CDH18: variants seen among roughly 807,000 people sequenced by gnomAD.
CDH18 encodes cadherin-18.
A neutral mutation model predicts 67.9 loss-of-function variants in CDH18; 31 were observed. The observed-to-expected ratio is 0.46, with a 90% confidence interval of 0.34 to 0.62. The LOEUF (loss-of-function observed/expected upper bound fraction) is 0.62, where lower values mean the gene tolerates loss of function less well. Among genes scored for constraint, CDH18 ranks in the 20% least tolerant of loss-of-function variants. The pLI is 0.01. For missense variants in CDH18, 890 were observed against 975.5 expected, an observed-to-expected ratio of 0.91 and a Z score of 1.17; for synonymous variants, 362 against 347.2, an observed-to-expected ratio of 1.04 and a Z score of -0.48.
chr5:20,319,921 A>C (rs1737842565), intron 1 of CDH18, among the ~76,000 whole-genome samples: 1 of 152,152 alleles, frequency 6.6e-6, no homozygotes, highest in Admixed American at 6.5e-5. Flanking sequence ...CCAATAATAC[A>C]CTTTAATTAA....
chr5:20,133,966 A>G (rs1488360014), intron 2 of CDH18, among the ~76,000 whole-genome samples: 4 of 151,936 alleles, frequency 2.6e-5, no homozygotes, highest in Admixed American at 6.6e-5. Context: ...ATAATGCCCC[A>G]CATTTCTTGG....
chr5:19,786,651 T>A (rs966041308), intron 3 of CDH18, among the ~76,000 whole-genome samples: 25 of 152,294 alleles, frequency 1.6e-4, no homozygotes, highest in African/African-American at 6.0e-4. Context: ...ATAATATATA[T>A]TTGAACTCTA....
intron 11 of CDH18, among the ~76,000 whole-genome samples, chr5:19,495,751 G>GA (rs1426412820): frequency 0.015 from 1,917 of 130,346 alleles, 62 homozygotes; most frequent in African/African-American, 0.054. Flanking sequence ...AAGAAAGAAA[G>GA]AAAGAAAAGA....
At position 19,763,594 on chromosome 5, in the gene CDH18, A is replaced by G. The variant is rs1284065409; in HGVS notation, c.229-16358T>C. 3.3e-5 allele frequency among the ~76,000 whole-genome samples: 5 copies of G among 152,180 alleles called. No homozygotes were observed. The East Asian group carries it at 9.7e-4, about 29-fold the overall frequency. ...GCAGATATATAGAGAAGTCATTTGTATATGCAGCCTGAAGTTCACAAGAGG... is the reference window on the plus strand; with the variant it reads ...GCAGATATATAGAGAAGTCATTTGTGTATGCAGCCTGAAGTTCACAAGAGG... On this transcript the variant is annotated intron_variant, in intron 3 of 12. Coordinates refer to ENST00000382275, the MANE Select transcript of CDH18 (RefSeq NM_004934.5).
chr5:19,496,009 T>C (rs752438537), intron 11 of CDH18, among the ~76,000 whole-genome samples: 2 of 152,160 alleles, frequency 1.3e-5, no homozygotes, highest in African/African-American at 4.8e-5. Context: ...CCTAAAGACA[T>C]TTGTTACATT....
chr5:20,474,348 T>C (rs1332687531), intron 1 of CDH18, among the ~76,000 whole-genome samples: 1 of 152,168 alleles, frequency 6.6e-6, no homozygotes, highest in Admixed American at 6.5e-5. Context: ...TTTTGGAGAC[T>C]CTACTTCCAC....
intron 1 of CDH18, among the ~76,000 whole-genome samples, chr5:20,323,054 G>A (rs1738191634): frequency 6.6e-6 from 1 of 152,108 alleles, no homozygotes; most frequent in Non-Finnish European, 1.5e-5. Flanking sequence ...GATATGGTCT[G>A]TATTTAATTT....
intron 2 of CDH18, among the ~76,000 whole-genome samples, chr5:19,887,775 C>T (rs1788375885): frequency 6.6e-6 from 1 of 151,108 alleles, no homozygotes; most frequent in African/African-American, 2.4e-5. Context: ...TCTCACCTTG[C>T]TCCCCAGACT....
chr5:20,482,650 T>A (rs1310261920), intron 1 of CDH18, among the ~76,000 whole-genome samples: 1 of 152,144 alleles, frequency 6.6e-6, no homozygotes, highest in East Asian at 1.9e-4. Flanking sequence ...ATATATCATA[T>A]GATCAGAATG....
At chr5:20,327,836 A>G (rs1351600467) in intron 1 of CDH18, among the ~76,000 whole-genome samples, 1 of 152,064 alleles carries the variant, frequency 6.6e-6, no homozygotes. Flanking sequence ...CCGGGAGTTC[A>G]AGACTGCCCT....
intron 4 of CDH18, among the ~76,000 whole-genome samples, chr5:19,733,203 C>T (rs1767849941): frequency 6.6e-6 from 1 of 152,160 alleles, no homozygotes; most frequent in African/African-American, 2.4e-5. Context: ...AAGTCAAATT[C>T]ACAGACCAGA....
chr5:19,710,129 C>T (rs533994428), intron 5 of CDH18, among the ~76,000 whole-genome samples: 2 of 152,006 alleles, frequency 1.3e-5, no homozygotes, highest in African/African-American at 2.4e-5. Flanking sequence ...AGTAAGACTC[C>T]GTCTCAAAAA....
intron 2 of CDH18, among the ~76,000 whole-genome samples, chr5:19,921,772 AT>A (rs2150170569): frequency 6.6e-6 from 1 of 152,312 alleles, no homozygotes; most frequent in South Asian, 2.1e-4. Flanking sequence ...TTTTCACTTG[AT>A]AAATTAGTAA....
intron 1 of CDH18, among the ~76,000 whole-genome samples, chr5:20,347,950 A>G (rs945981604): frequency 3.3e-5 from 5 of 152,182 alleles, no homozygotes; most frequent in Admixed American, 3.3e-4. Context: ...CTTTTGCTTA[A>G]TAAATCCTAC....
intron 2 of CDH18, among the ~76,000 whole-genome samples, chr5:19,883,536 A>G (rs1787887304): frequency 6.6e-6 from 1 of 151,750 alleles, no homozygotes; most frequent in Non-Finnish European, 1.5e-5. Context: ...AAAGAACCAT[A>G]ATTGTTTTGT....
intron 2 of CDH18, among the ~76,000 whole-genome samples, chr5:20,142,659 T>C (rs576059931): frequency 4.7e-4 from 71 of 151,950 alleles, no homozygotes; most frequent in Non-Finnish European, 9.1e-4. Flanking sequence ...CTAATATCAT[T>C]AGTGTCCTTA....
At chr5:20,064,360 T>C (rs549533011) in intron 2 of CDH18, among the ~76,000 whole-genome samples, 8 of 152,200 alleles carry the variant, frequency 5.3e-5, no homozygotes, top group African/African-American at 9.6e-5. Context: ...TCAAGAAAAA[T>C]TGGCAAATAA....
chr5:19,836,357 A>G (rs1781633822), intron 3 of CDH18, among the ~76,000 whole-genome samples: 1 of 152,136 alleles, frequency 6.6e-6, no homozygotes, highest in African/African-American at 2.4e-5. Context: ...AATGACCGCC[A>G]TTCTACCTGG....
chr5:19,968,276 T>G (rs1387823528), intron 2 of CDH18, among the ~76,000 whole-genome samples: 3 of 152,146 alleles, frequency 2.0e-5, no homozygotes, highest in East Asian at 1.9e-4. Flanking sequence ...CCAAGGTAAT[T>G]TATAGATTCA....
Sources: allele counts gnomAD v4.1 joint callset (sites outside exome capture counted in the v4.1 genomes callset), GRCh38; gene constraint gnomAD v4.1.1; transcripts MANE v1.5; gene names NCBI Gene and HGNC (gene_info 2026-07-23, HGNC 2026-07-21).